THSD4: variants seen among roughly 807,000 people sequenced by gnomAD.
THSD4 encodes thrombospondin type 1 domain containing 4, also known as thrombospondin type-1 domain-containing protein 4.
In THSD4, 69 loss-of-function variants were observed where a neutral mutation model predicts 119.0. The observed-to-expected ratio is 0.58, with a 90% CI of 0.48 to 0.71. THSD4 has a LOEUF of 0.71. THSD4 is among the 30% of genes least tolerant of loss of function. The pLI is 0.00. For synonymous variants in THSD4, 524 were observed against 540.4 expected (o/e 0.97, Z 0.42); for missense variants, 1,393 against 1,391.1 (o/e 1.00, Z -0.02).
At chr15:71,678,125 G>A (rs191027566) in intron 8 of THSD4, among the ~76,000 whole-genome samples, 4 of 152,256 alleles carry the variant, frequency 2.6e-5, no homozygotes, top group East Asian at 1.9e-4. Context: ...CCCTAGATCC[G>A]CCTATTCCCT....
chr15:71,201,842 A>T, intron 3 of THSD4, among the ~76,000 whole-genome samples: 1 of 152,202 alleles, frequency 6.6e-6, no homozygotes, highest in Non-Finnish European at 1.5e-5. Flanking sequence ...GTTCACGTCG[A>T]CATGGGCAGA....
chr15:71,282,827 G>A (rs920387015), intron 6 of THSD4, among the ~76,000 whole-genome samples: 2 of 152,092 alleles, frequency 1.3e-5, no homozygotes, highest in Admixed American at 1.3e-4. Flanking sequence ...ATCCTTTTCA[G>A]CCTGGGCCCT....
intron 7 of THSD4, among the ~76,000 whole-genome samples, chr15:71,584,419 C>T (rs1361244403): frequency 6.6e-6 from 1 of 151,852 alleles, no homozygotes; most frequent in Admixed American, 6.6e-5. Flanking sequence ...CAGGCGTCTA[C>T]CACCATGCCC....
intron 7 of THSD4, among the ~76,000 whole-genome samples, chr15:71,569,475 TTAAAA>T (rs2049309247): frequency 6.6e-6 from 1 of 152,180 alleles, no homozygotes; most frequent in South Asian, 2.1e-4. Flanking sequence ...TAAAAAGAAT[TTAAAA>T]TAATGTTTAC....
chr15:71,142,394 T>G (rs1050744926), intron 2 of THSD4, among the ~76,000 whole-genome samples: 1 of 152,170 alleles, frequency 6.6e-6, no homozygotes, highest in Non-Finnish European at 1.5e-5. Flanking sequence ...GTTTTCAAAC[T>G]TTTTAAAAAG....
rs557168661 is a variant in THSD4 at position 71,174,307 on chromosome 15, A to C, written c.99+19375A>C. ...TGTGTGCGCGCGCCGAAGCAGGGCG[A>C]GGCATTGCCTCACCTGGGAAGCGCA... On this transcript the variant is annotated intron_variant, in intron 3 of 17. Coordinates refer to ENST00000261862, the MANE Select transcript of THSD4 (RefSeq NM_024817.3). 2.5e-4 allele frequency among the ~76,000 whole-genome samples: 38 copies of C among 152,136 alleles called. 1 individual carries two copies. In the South Asian group the frequency reaches 7.3e-3, roughly 29 times the overall value.
chr15:71,102,775 A>C (rs1317902061), intron 1 of THSD4, among the ~76,000 whole-genome samples: 1 of 152,158 alleles, frequency 6.6e-6, no homozygotes, highest in Admixed American at 6.5e-5. Flanking sequence ...TATGTTGCCA[A>C]GGCTGATCTC....
chr15:71,238,571 T>C (rs2044126114), intron 4 of THSD4, among the ~76,000 whole-genome samples: 1 of 152,244 alleles, frequency 6.6e-6, no homozygotes, highest in Non-Finnish European at 1.5e-5. Flanking sequence ...GTCTGGCTTC[T>C]TTCACTTCTT....
At chr15:71,293,712 T>A (rs891518380) in intron 6 of THSD4, among the ~76,000 whole-genome samples, 3 of 152,312 alleles carry the variant, frequency 2.0e-5, no homozygotes, top group Middle Eastern at 3.4e-3. Flanking sequence ...GAAATCTTTA[T>A]TTGTGGATAT....
intron 8 of THSD4, among the ~76,000 whole-genome samples, chr15:71,691,349 G>A (rs2052044983): frequency 6.6e-6 from 1 of 152,202 alleles, no homozygotes; most frequent in Non-Finnish European, 1.5e-5. Flanking sequence ...CAGCAAATAG[G>A]AAAAGAATAC....
At chr15:71,518,790 CT>C (rs2048397183) in intron 7 of THSD4, among the ~76,000 whole-genome samples, 1 of 152,052 alleles carries the variant, frequency 6.6e-6, no homozygotes. Flanking sequence ...GCTTTGTGGT[CT>C]TTAGATCCAT....
upstream of THSD4, chr15:71,111,878 C>G: frequency 1.8e-6 from 1 of 549,910 alleles, no homozygotes; most frequent in Non-Finnish European, 3.2e-6. Flanking sequence ...GAACTCTAGG[C>G]CCAAGAGATG....
chr15:71,169,771 A>T (rs1054030017), intron 3 of THSD4, among the ~76,000 whole-genome samples: 3 of 152,218 alleles, frequency 2.0e-5, no homozygotes, highest in Non-Finnish European at 4.4e-5. Context: ...GAATTGAGTC[A>T]TAAAATGTCC....
intron 1 of THSD4, among the ~76,000 whole-genome samples, chr15:71,099,430 T>C (rs887211783): frequency 5.3e-5 from 8 of 152,236 alleles, no homozygotes; most frequent in African/African-American, 1.9e-4. Context: ...GTTTTTGGAT[T>C]TTGTATTCTG....
intron 6 of THSD4, among the ~76,000 whole-genome samples, chr15:71,372,049 C>T (rs1222443325): frequency 6.6e-6 from 1 of 152,170 alleles, no homozygotes; most frequent in Admixed American, 6.5e-5. Context: ...TCACTGATAA[C>T]CTTTCTTCCA....
intron 6 of THSD4, among the ~76,000 whole-genome samples, chr15:71,391,834 C>T (rs949298586): frequency 2.0e-5 from 3 of 152,148 alleles, no homozygotes; most frequent in African/African-American, 7.2e-5. Context: ...AAAACTAGGT[C>T]TCTGTCCAGA....
rs182140059 is a variant in THSD4, at chr15:71,532,551, G to A, written c.1152+120728G>A. On this transcript the variant is annotated intron_variant, in intron 7 of 17. Transcript: ENST00000261862. Reference sequence around the variant, plus strand: ...AGGATGGTCTCAATCTCTTGACCTCGCAATCTGCCCGCCTTGGCCTCTCAA... The same window carrying A: ...AGGATGGTCTCAATCTCTTGACCTCACAATCTGCCCGCCTTGGCCTCTCAA... 5.9e-5 allele frequency among the ~76,000 whole-genome samples: 9 copies of A among 151,770 alleles called. No homozygotes were observed. In the East Asian group the frequency reaches 7.7e-4, roughly 13 times the overall value.
chr15:71,745,545 G>A (rs1291798768), intron 12 of THSD4, among the ~76,000 whole-genome samples: 1 of 152,196 alleles, frequency 6.6e-6, no homozygotes, highest in Non-Finnish European at 1.5e-5. Flanking sequence ...AGTTGGTGTC[G>A]TAGGTGAGCT....
At chr15:71,111,612 C>T (rs998851251), upstream of THSD4, 23 of 597,102 alleles carry the variant, frequency 3.9e-5, no homozygotes, top group Non-Finnish European at 5.6e-5. Context: ...ACTTTACAGT[C>T]TGCATAAGTT....
Sources: gnomAD v4.1 joint callset for allele counts (sites outside exome capture counted in the v4.1 genomes callset) on GRCh38, gnomAD v4.1.1 for gene constraint, MANE v1.5 for transcripts, NCBI Gene and HGNC (gene_info 2026-07-23, HGNC 2026-07-21) for gene names.